Variants in NUCKS1 observed in about 807,000 individuals in gnomAD.
NUCKS1 encodes nuclear casein kinase and cyclin dependent kinase substrate 1, also known as nuclear ubiquitous casein and cyclin-dependent kinase substrate 1.
In NUCKS1, 2 loss-of-function variants were observed where a neutral mutation model predicts 33.0. The observed-to-expected ratio is 0.06, with a 90% CI of 0.02 to 0.19. The LOEUF (loss-of-function observed/expected upper bound fraction) is 0.19, where lower values mean the gene tolerates loss of function less well. NUCKS1 is among the 10% of genes least tolerant of loss of function. The pLI, the probability that NUCKS1 is intolerant of heterozygous loss-of-function variation, is 1.00. For synonymous variants in NUCKS1, 106 were observed against 102.8 expected, an observed-to-expected ratio of 1.03 and a Z score of -0.19; for missense variants, 201 against 293.6, an observed-to-expected ratio of 0.68 and a Z score of 2.31.
chr1:205,740,632 T>A (rs1442099278), intron 1 of NUCKS1, among the ~76,000 whole-genome samples: 1 of 151,504 alleles, frequency 6.6e-6, no homozygotes, highest in Admixed American at 6.6e-5. Context: ...AAAATAAATA[T>A]AAAATTCACA....
At chr1:205,746,490 A>ACACAC (rs1558057646) in intron 1 of NUCKS1, among the ~76,000 whole-genome samples, 221 of 67,760 alleles carry the variant, frequency 3.3e-3, no homozygotes, top group East Asian at 0.014. Context: ...CACACACACT[A>ACACAC]GAGAATAAGA....
chr1:205,736,806 G>A (rs1366092214), intron 1 of NUCKS1, among the ~76,000 whole-genome samples: 1 of 151,328 alleles, frequency 6.6e-6, no homozygotes, highest in Non-Finnish European at 1.5e-5. Flanking sequence ...ACTCCAGCCT[G>A]GGTGACAGAG....
chr1:205,734,823 A>G (rs1653993628), intron 1 of NUCKS1, among the ~76,000 whole-genome samples: 1 of 152,152 alleles, frequency 6.6e-6, no homozygotes, highest in Non-Finnish European at 1.5e-5. Flanking sequence ...TGAACCCGGA[A>G]GGTGGAGGTT....
At chr1:205,749,136 G>C (rs6593967) in intron 1 of NUCKS1, among the ~76,000 whole-genome samples, 1,540 of 152,316 alleles carry the variant, frequency 0.01, 18 homozygotes, top group Non-Finnish European at 0.012. Context: ...GGTGAGAGTG[G>C]AACGAGAACC....
intron 1 of NUCKS1, among the ~76,000 whole-genome samples, chr1:205,746,674 C>T: frequency 6.6e-6 from 1 of 152,082 alleles, no homozygotes; most frequent in Non-Finnish European, 1.5e-5. Context: ...AGGCATGGCC[C>T]AAACAATTCT....
intron 1 of NUCKS1, chr1:205,731,085 CAAAT>C (rs1472971040): frequency 2.0e-5 from 3 of 152,094 alleles, no homozygotes; most frequent in African/African-American, 7.2e-5. Flanking sequence ...GGGAAGGAAA[CAAAT>C]TAATTGGTCC....
intron 3 of NUCKS1, among the ~76,000 whole-genome samples, chr1:205,724,928 G>C (rs914143516): frequency 6.6e-6 from 1 of 152,134 alleles, no homozygotes; most frequent in Non-Finnish European, 1.5e-5. Context: ...AAGTTAAGGA[G>C]CTTCAAAGTT....
chr1:205,739,274 T>C (rs1344388464), intron 1 of NUCKS1, among the ~76,000 whole-genome samples: 1 of 152,196 alleles, frequency 6.6e-6, no homozygotes, highest in Non-Finnish European at 1.5e-5. Flanking sequence ...CTTTCCTAAG[T>C]CTTTACAAAT....
In NUCKS1 at chr1:205,717,169, A is replaced by G; in HGVS notation, c.*1111T>C. The G allele has an allele frequency of 3.3e-6, 1 of 304,348 alleles. No homozygotes were observed. Among genetic ancestry groups the G allele is most frequent in the Non-Finnish European group, 4.8e-6 (1 of 207,078 alleles). 18.9% of individuals were successfully genotyped at this position (304,348 alleles called of 1,614,324 possible). ...AAATGGGAAGATCGGGATATGAAAA[A>G]GAAAATGTTCTATCCCCAAATAAAA... On this transcript the variant is annotated 3_prime_UTR_variant, in exon 7 of 7. Transcript: ENST00000367142.
intron 6 of NUCKS1, among the ~76,000 whole-genome samples, chr1:205,719,205 G>T (rs761204459): frequency 6.6e-6 from 1 of 152,196 alleles, no homozygotes; most frequent in Non-Finnish European, 1.5e-5. Flanking sequence ...TGTGATACCA[G>T]TGAGGAAAAA....
chr1:205,724,209 AAAG>A (rs929713403), intron 3 of NUCKS1, among the ~76,000 whole-genome samples: 25 of 152,358 alleles, frequency 1.6e-4, no homozygotes, highest in African/African-American at 5.8e-4. Context: ...CAAAGGAAAA[AAAG>A]AAGCTGTCTC....
At chr1:205,727,871 C>A in intron 2 of NUCKS1, 66 bp from the exon 3 acceptor site, 1 of 1,024,322 alleles carries the variant, frequency 9.8e-7, no homozygotes, top group Non-Finnish European at 1.5e-6. Flanking sequence ...ACTATATTTA[C>A]TGACATAATT....
chr1:205,726,785 T>C (rs1653791393), intron 3 of NUCKS1, among the ~76,000 whole-genome samples: 1 of 152,192 alleles, frequency 6.6e-6, no homozygotes, highest in Non-Finnish European at 1.5e-5. Context: ...TAAATGATAG[T>C]GTACGTAAAA....
Position 205,720,614 on chromosome 1 carries a change from C to A in NUCKS1, c.269G>T (p.Arg90Leu). The A allele has an allele frequency of 6.2e-7, 1 of 1,613,958 alleles. No homozygotes were observed. Among genetic ancestry groups the A allele is most frequent in the Non-Finnish European group, 8.5e-7 (1 of 1,179,972 alleles). Residue 90 changes from arginine (R) to leucine (L), a missense_variant, in exon 5 of 7, where the codon CGC becomes CTC. Physicochemically the swap from Arg to Leu is moderately radical, Grantham distance 102. Transcript: ENST00000367142. The part of the protein sequence containing the change: ...EDEKEDHKNV[R>L]QQRQAASKAA... Reference sequence around the variant, plus strand: ...TTTAGATGCCGCCTGCCGTTGTTGGCGCACATTTTTATGATCTTCTTTTTC... The same window carrying A: ...TTTAGATGCCGCCTGCCGTTGTTGGAGCACATTTTTATGATCTTCTTTTTC...
chr1:205,730,773 G>A (rs556901297), intron 1 of NUCKS1, among the ~76,000 whole-genome samples: 41 of 152,154 alleles, frequency 2.7e-4, no homozygotes, highest in African/African-American at 9.2e-4. Context: ...GTGAGCCACC[G>A]TGCCCGGTCT....
intron 1 of NUCKS1, among the ~76,000 whole-genome samples, chr1:205,744,633 T>TTTTTG (rs1654268459): frequency 7.5e-6 from 1 of 133,512 alleles, no homozygotes; most frequent in Non-Finnish European, 1.6e-5. Flanking sequence ...CACTAGAGTT[T>TTTTTG]TTTTTTTTTT....
intron 1 of NUCKS1, among the ~76,000 whole-genome samples, chr1:205,744,121 C>A (rs1226097792): frequency 6.6e-6 from 1 of 152,162 alleles, no homozygotes; most frequent in Non-Finnish European, 1.5e-5. Flanking sequence ...GGCCTCCCCA[C>A]AACAAAAGTT....
intron 2 of NUCKS1, among the ~76,000 whole-genome samples, chr1:205,728,010 G>A (rs77732109): frequency 0.014 from 2,140 of 151,830 alleles, 32 homozygotes; most frequent in Middle Eastern, 0.024. Flanking sequence ...TTACCCTCTA[G>A]TCCTTATGAT....
chr1:205,742,137 A>G (rs1207742593), intron 1 of NUCKS1, among the ~76,000 whole-genome samples: 2 of 152,230 alleles, frequency 1.3e-5, no homozygotes, highest in Non-Finnish European at 2.9e-5. Context: ...TGGAGCTAAT[A>G]TTTAGTTTCT....
Sources: allele counts gnomAD v4.1 joint callset (sites outside exome capture counted in the v4.1 genomes callset), GRCh38; gene constraint gnomAD v4.1.1; transcripts MANE v1.5; gene names NCBI Gene and HGNC (gene_info 2026-07-23, HGNC 2026-07-21).